Variants in PRKCB observed in about 807,000 individuals in gnomAD.
PRKCB encodes protein kinase C beta, also known as protein kinase C beta type.
PRKCB carries 13 observed loss-of-function variants against 81.5 expected under a neutral mutation model. The ratio of observed to expected loss-of-function variants is 0.16; its 90% CI spans 0.10 to 0.25. The LOEUF is 0.25. PRKCB is among the 10% of genes least tolerant of loss of function. The pLI, the probability that PRKCB is intolerant of heterozygous loss-of-function variation, is 1.00. For synonymous variants in PRKCB, 335 were observed against 321.4 expected, an observed-to-expected ratio of 1.04 and a Z score of -0.45; for missense variants, 509 against 875.7, an observed-to-expected ratio of 0.58 and a Z score of 5.29.
At chr16:23,901,887 C>G (rs1963479879) in intron 2 of PRKCB, among the ~76,000 whole-genome samples, 2 of 152,202 alleles carry the variant, frequency 1.3e-5, no homozygotes, top group South Asian at 2.1e-4. Flanking sequence ...GCAGACATCT[C>G]AGAGCTGGTG....
At chr16:24,079,792 G>A (rs1966226372) in intron 5 of PRKCB, among the ~76,000 whole-genome samples, 1 of 152,094 alleles carries the variant, frequency 6.6e-6, no homozygotes, top group Admixed American at 6.5e-5. Flanking sequence ...AGTGATGGTG[G>A]GCATTCTTAA....
rs1295149193 is a variant in PRKCB, at chr16:24,011,464, C to T, written c.289-20672C>T. 3.3e-5 allele frequency among the ~76,000 whole-genome samples: 5 copies of T among 152,110 alleles called. 1 individual carries two copies. In the South Asian group the frequency reaches 1.0e-3, roughly 32 times the overall value. ...GGAACTAGCCTGCCTGGGCTCCAAT[C>T]TTGGCTCTGGTACCTACTAGCTGTG... On this transcript the variant is annotated intron_variant, in intron 3 of 16. Coordinates refer to ENST00000643927, the MANE Select transcript of PRKCB (RefSeq NM_002738.7).
At position 24,219,657 on chromosome 16, in the gene PRKCB, CACACACACA is replaced by C. The variant is rs1567417779; in HGVS notation, c.*4842_*4850del. The C allele has an allele frequency of 0.14, 88,289 of 632,176 alleles. 1,008 individuals are homozygous for C. Among genetic ancestry groups the C allele is most frequent in the Non-Finnish European group, 0.15 (78,813 of 511,090 alleles). The allele number at this position is 632,176 out of a possible 1,614,324, so 39.2% of individuals were successfully genotyped here. A position where few individuals can be genotyped will look rare whatever the true frequency, so the allele number is the denominator to read the frequency against. On this transcript the variant is annotated 3_prime_UTR_variant, in exon 17 of 17. Coordinates refer to ENST00000643927, the MANE Select transcript of PRKCB (RefSeq NM_002738.7). Reference sequence around the variant, plus strand: ...CCTAAAGCCAAAGAAAATACAGCAACACACACACACACACACACACACACACACACACAC... The same window carrying C: ...CCTAAAGCCAAAGAAAATACAGCAACCACACACACACACACACACACACAC...
intron 10 of PRKCB, among the ~76,000 whole-genome samples, chr16:24,161,408 A>G (rs1166439295): frequency 6.6e-6 from 1 of 152,240 alleles, no homozygotes; most frequent in Admixed American, 6.5e-5. Context: ...AAGGGGGCAT[A>G]AACAAATCAA....
At chr16:24,134,965 A>G (rs1055140271) in intron 9 of PRKCB, among the ~76,000 whole-genome samples, 5 of 105,074 alleles carry the variant, frequency 4.8e-5, no homozygotes, top group African/African-American at 1.4e-4. Context: ...TTCTTCCATG[A>G]AAAAAAAAGC....
rs150188119 is a variant in PRKCB at position 23,948,480 on chromosome 16, T to C, written c.206-40028T>C. On this transcript the variant is annotated intron_variant, in intron 2 of 16. Coordinates refer to ENST00000643927, the MANE Select transcript of PRKCB (RefSeq NM_002738.7). ...GTGCAGTGGTGCGATCTTGGCTCAC[T>C]GCAACCTCCACCTCCAGGGTTCAAG... Among the ~76,000 whole-genome samples, 237 of 152,324 alleles carry C rather than the reference T, an allele frequency of 1.6e-3. 2 individuals are homozygous for C. The highest frequency in any genetic ancestry group is 5.3e-3 in the African/African-American group (219 of 41,584).
At chr16:24,028,436 T>C (rs983102178) in intron 3 of PRKCB, among the ~76,000 whole-genome samples, 6 of 152,340 alleles carry the variant, frequency 3.9e-5, no homozygotes, top group African/African-American at 1.4e-4. Context: ...ACAGTTAATA[T>C]ATAGACCACT....
chr16:24,108,470 T>G (rs1298970753), intron 7 of PRKCB, among the ~76,000 whole-genome samples: 1 of 145,816 alleles, frequency 6.9e-6, no homozygotes, highest in Non-Finnish European at 1.5e-5. Context: ...AACAAAGGTC[T>G]CTGGTTTTCC....
intron 2 of PRKCB, among the ~76,000 whole-genome samples, chr16:23,853,600 T>C (rs542737334): frequency 6.6e-6 from 1 of 152,310 alleles, no homozygotes; most frequent in African/African-American, 2.4e-5. Context: ...TTGTCTTTCT[T>C]TGCGGTGATG....
chr16:24,074,065 G>A lies in PRKCB; in HGVS notation c.530-18726G>A, dbSNP rs528837252. Reference sequence around the variant, plus strand: ...CAGGAGAATGGCATGAACTCAGGAGGTGGAGCTTGCAGTGAGCCGAGATCA... The same window carrying A: ...CAGGAGAATGGCATGAACTCAGGAGATGGAGCTTGCAGTGAGCCGAGATCA... On this transcript the variant is annotated intron_variant, in intron 5 of 16. Coordinates refer to ENST00000643927, the MANE Select transcript of PRKCB (RefSeq NM_002738.7). Among the ~76,000 whole-genome samples, 14 of 152,014 alleles carry A rather than the reference G, an allele frequency of 9.2e-5. No individual in the cohort carries two copies. The South Asian group carries it at 2.5e-3, about 27-fold the overall frequency.
intron 2 of PRKCB, among the ~76,000 whole-genome samples, chr16:23,956,872 T>C (rs1461964319): frequency 6.6e-6 from 1 of 151,590 alleles, no homozygotes; most frequent in Non-Finnish European, 1.5e-5. Context: ...AAAAATGGCT[T>C]ATTTAATACA....
chr16:24,008,454 G>T (rs1305849782), intron 3 of PRKCB, among the ~76,000 whole-genome samples: 1 of 152,238 alleles, frequency 6.6e-6, no homozygotes, highest in Non-Finnish European at 1.5e-5. Context: ...GGAATCAAGG[G>T]TGCTGGTTTT....
intron 2 of PRKCB, among the ~76,000 whole-genome samples, chr16:23,981,298 A>T (rs775220558): frequency 8.6e-5 from 13 of 151,722 alleles, no homozygotes; most frequent in Non-Finnish European, 1.5e-4. Flanking sequence ...TGCTTCCATC[A>T]TCACGTCTCA....
intron 16 of PRKCB, among the ~76,000 whole-genome samples, chr16:24,197,213 T>C (rs1967892838): frequency 6.6e-6 from 1 of 152,154 alleles, no homozygotes; most frequent in Non-Finnish European, 1.5e-5. Flanking sequence ...AAATATACGA[T>C]GTGTCAGAAG....
intron 5 of PRKCB, among the ~76,000 whole-genome samples, chr16:24,058,746 C>G (rs1477997256): frequency 6.6e-6 from 1 of 152,208 alleles, no homozygotes; most frequent in Non-Finnish European, 1.5e-5. Flanking sequence ...TGCCAGCTCA[C>G]AGAAGAGCTT....
chr16:24,215,100 G>C lies in PRKCB; in HGVS notation c.*284G>C, dbSNP rs1224068360. On this transcript the variant is annotated 3_prime_UTR_variant, in exon 17 of 17. Coordinates refer to ENST00000643927, the MANE Select transcript of PRKCB (RefSeq NM_002738.7). ...GCATGTCAGCTAAGTAGACCCAATG[G>C]GGAGAGAAAATGCCTGCTTTCTTTC... The C allele has an allele frequency of 1.8e-6, 2 of 1,127,502 alleles. No individual in the cohort carries two copies. The highest frequency in any genetic ancestry group is 1.6e-5 in the African/African-American group (1 of 62,470). The allele number at this position is 1,127,502 out of a possible 1,614,324, so 69.8% of individuals were successfully genotyped here. A position where few individuals can be genotyped will look rare whatever the true frequency, so the allele number is the denominator to read the frequency against.
chr16:24,129,595 A>T (rs1430626891), intron 9 of PRKCB, among the ~76,000 whole-genome samples: 2 of 151,898 alleles, frequency 1.3e-5, no homozygotes, highest in South Asian at 2.1e-4. Context: ...TCTTTCTGTT[A>T]TCTATCTACC....
chr16:23,997,720 A>T (rs910367997), intron 3 of PRKCB, among the ~76,000 whole-genome samples: 5 of 152,248 alleles, frequency 3.3e-5, no homozygotes, highest in Non-Finnish European at 5.9e-5. Context: ...ATACCAGGAC[A>T]AGAGGAATCA....
chr16:24,106,671 C>G (rs1258068504), intron 7 of PRKCB, among the ~76,000 whole-genome samples: 1 of 152,108 alleles, frequency 6.6e-6, no homozygotes, highest in African/African-American at 2.4e-5. Context: ...AATTTACAGT[C>G]TTATCAATCT....
Sources: gnomAD v4.1 joint callset for allele counts (sites outside exome capture counted in the v4.1 genomes callset) on GRCh38, gnomAD v4.1.1 for gene constraint, MANE v1.5 for transcripts, NCBI Gene and HGNC (gene_info 2026-07-23, HGNC 2026-07-21) for gene names.